RARB: variants seen among roughly 807,000 people sequenced by gnomAD.
RARB encodes HBV-activated protein.
In RARB, 17 loss-of-function variants were observed where a neutral mutation model predicts 51.9. The ratio of observed to expected loss-of-function variants is 0.33; its 90% CI spans 0.22 to 0.49. The LOEUF is 0.49. RARB is among the 20% of genes least tolerant of loss of function. The pLI, the probability that RARB is intolerant of heterozygous loss-of-function variation, is 0.99. For missense variants in RARB, 369 were observed against 550.8 expected (o/e 0.67, Z 3.30); for synonymous variants, 215 against 195.4 (o/e 1.10, Z -0.84).
chr3:24,912,554 C>T (rs1411680187), intron 2 of RARB, among the ~76,000 whole-genome samples: 2 of 152,082 alleles, frequency 1.3e-5, no homozygotes, highest in Non-Finnish European at 1.5e-5. Flanking sequence ...TAGGAAGATG[C>T]AGTTCAGCTT....
chr3:25,309,805 T>C, intron 5 of RARB, among the ~76,000 whole-genome samples: 1 of 152,120 alleles, frequency 6.6e-6, no homozygotes, highest in East Asian at 1.9e-4. Context: ...TCATAATTGC[T>C]CTTACCTGAG....
intron 2 of RARB, among the ~76,000 whole-genome samples, chr3:24,991,690 T>C (rs1050718194): frequency 6.6e-6 from 1 of 151,970 alleles, no homozygotes. Flanking sequence ...ATAAAAGTTT[T>C]AAAAATGCAT....
intron 3 of RARB, among the ~76,000 whole-genome samples, chr3:25,542,818 A>C (rs1699440812): frequency 6.6e-6 from 1 of 152,210 alleles, no homozygotes; most frequent in Admixed American, 6.5e-5. Flanking sequence ...CCAAGTCCTT[A>C]CATCCATTTT....
At chr3:25,107,649 A>G (rs1428311160) in intron 3 of RARB, among the ~76,000 whole-genome samples, 1 of 152,172 alleles carries the variant, frequency 6.6e-6, no homozygotes, top group Non-Finnish European at 1.5e-5. Flanking sequence ...CTACACATAC[A>G]TGCCTATGAT....
chr3:25,562,883 T>C (rs1267285580), intron 3 of RARB, among the ~76,000 whole-genome samples: 1 of 152,338 alleles, frequency 6.6e-6, no homozygotes, highest in East Asian at 1.9e-4. Context: ...GAGGGAAATA[T>C]GATTAAATTT....
intron 2 of RARB, among the ~76,000 whole-genome samples, chr3:24,870,376 T>A (rs1005166189): frequency 2.6e-5 from 4 of 152,094 alleles, no homozygotes; most frequent in South Asian, 4.1e-4. Flanking sequence ...AACTAATTGT[T>A]CCAACACTAT....
intron 5 of RARB, among the ~76,000 whole-genome samples, chr3:25,174,864 C>G (rs543222189): frequency 1.3e-5 from 2 of 152,148 alleles, no homozygotes; most frequent in South Asian, 2.1e-4. Flanking sequence ...TGATCAATAT[C>G]TAAAGAAATT....
At chr3:25,428,209 G>A, upstream of RARB, 1 of 1,224,278 alleles carries the variant, frequency 8.2e-7, no homozygotes, top group Non-Finnish European at 1.0e-6. Flanking sequence ...AGCCCGGGTA[G>A]GGTTCACCGA....
intron 3 of RARB, among the ~76,000 whole-genome samples, chr3:25,096,010 C>T (rs991890590): frequency 6.6e-5 from 10 of 152,176 alleles, no homozygotes; most frequent in Non-Finnish European, 1.5e-5. Flanking sequence ...GACTTCTCTC[C>T]TGCCTCTTTC....
At chr3:25,152,735 G>A (rs1411890558) in intron 4 of RARB, among the ~76,000 whole-genome samples, 1 of 152,014 alleles carries the variant, frequency 6.6e-6, no homozygotes, top group Admixed American at 6.6e-5. Flanking sequence ...CCTATATTTT[G>A]GAGTCTGTAA....
intron 5 of RARB, among the ~76,000 whole-genome samples, chr3:25,275,790 G>T (rs1002707056): frequency 2.7e-5 from 4 of 145,590 alleles, no homozygotes; most frequent in African/African-American, 1.0e-4. Context: ...GGAGGGAGGG[G>T]GGAGGGATAG....
chr3:24,990,311 T>A (rs1181135921), intron 2 of RARB, among the ~76,000 whole-genome samples: 2 of 61,232 alleles, frequency 3.3e-5, no homozygotes, highest in East Asian at 6.6e-4. Context: ...TATCTCCTAA[T>A]GCTATCCCTC....
At chr3:24,833,968 C>T (rs1183707245) in intron 1 of RARB, among the ~76,000 whole-genome samples, 1 of 152,190 alleles carries the variant, frequency 6.6e-6, no homozygotes, top group Non-Finnish European at 1.5e-5. Flanking sequence ...TTTGTCCTGA[C>T]ATGATAGATG....
chr3:25,226,335 G>A (rs1039242925), intron 5 of RARB, among the ~76,000 whole-genome samples: 16 of 152,120 alleles, frequency 1.1e-4, no homozygotes, highest in African/African-American at 3.9e-4. Context: ...TAAAATAGCA[G>A]TGAACTTGCT....
rs142559483 is a variant in RARB at position 25,263,885 on chromosome 3, G to T, written c.178+89310G>T. On this transcript the variant is annotated intron_variant, in intron 5 of 11. Transcript: ENST00000383772. ...CAACAAATTCTGTGTCTTCTCAGCA[G>T]TTCTGAAGGGGGAGAGCCCTTTAAG... Among the ~76,000 whole-genome samples the T allele has an allele frequency of 2.1e-3, 322 of 152,286 alleles. 1 individual carries two copies. Among genetic ancestry groups the T allele is most frequent in the African/African-American group, 6.0e-3 (248 of 41,558 alleles).
At chr3:25,025,987 C>T (rs760029597) in intron 2 of RARB, among the ~76,000 whole-genome samples, 26 of 151,914 alleles carry the variant, frequency 1.7e-4, no homozygotes, top group Non-Finnish European at 3.5e-4. Context: ...GTCTGCAATC[C>T]CAAATTAATG....
intron 2 of RARB, among the ~76,000 whole-genome samples, chr3:24,922,848 C>G (rs531506036): frequency 1.3e-4 from 20 of 152,164 alleles, no homozygotes; most frequent in Non-Finnish European, 2.6e-4. Flanking sequence ...GGGAGGGTGT[C>G]TCAGGGTTAT....
intron 5 of RARB, among the ~76,000 whole-genome samples, chr3:25,175,675 G>C (rs1700729491): frequency 6.6e-6 from 1 of 152,182 alleles, no homozygotes; most frequent in South Asian, 2.1e-4. Context: ...ACAGATGATA[G>C]ACTTGCACTT....
intron 3 of RARB, among the ~76,000 whole-genome samples, chr3:25,519,753 G>A (rs73149314): frequency 0.038 from 5,779 of 152,114 alleles, 343 homozygotes; most frequent in African/African-American, 0.13. Context: ...TTTAAAAAGC[G>A]AATTAACTCA....
Sources: gnomAD v4.1 joint callset for allele counts (sites outside exome capture counted in the v4.1 genomes callset) on GRCh38, gnomAD v4.1.1 for gene constraint, MANE v1.5 for transcripts, NCBI Gene and HGNC (gene_info 2026-07-23, HGNC 2026-07-21) for gene names.